NBPF26: variants seen among roughly 807,000 people sequenced by gnomAD.
NBPF26 encodes the protein NBPF member 26.
A neutral mutation model predicts 119.6 loss-of-function variants in NBPF26; 79 were observed. That is an observed-to-expected ratio of 0.66 (90% CI 0.55 to 0.80). The LOEUF is 0.80. Ranked by LOEUF, NBPF26 falls within the 30% of genes least tolerant of loss-of-function variation. NBPF26 has a pLI of 0.00. For missense variants in NBPF26, 800 were observed against 1,198.2 expected, an observed-to-expected ratio of 0.67 and a Z score of 4.91; for synonymous variants, 299 against 457.7, an observed-to-expected ratio of 0.65 and a Z score of 4.43.
chr1:120,769,644 TATTA>T (rs1651238777), intron 2 of NBPF26, among the ~76,000 whole-genome samples: 1 of 121,908 alleles, frequency 8.2e-6, no homozygotes, highest in South Asian at 2.4e-4. Context: ...GTTCAGGTTT[TATTA>T]ATTCAAGAGT....
rs1652174329 is a variant in NBPF26, at chr1:120,823,533, C to A, written c.2639+173C>A. ...AGAGTAAATCTTTAGGTTTCCATTT[C>A]TTCCTACCCTTATCATTTACTAACC... On this transcript the variant is annotated intron_variant, in intron 17 of 29. Transcript: ENST00000620612. 1.7e-5 allele frequency among the ~76,000 whole-genome samples: 2 copies of A among 114,304 alleles called. 1 individual carries two copies. The allele number at this position is 114,304 out of a possible 152,430, so 75.0% of individuals were successfully genotyped here.
rs1307076342 is a variant in NBPF26 at position 120,794,210 on chromosome 1, C to G, written c.751+714C>G. Among the ~76,000 whole-genome samples, 3 of 115,748 alleles carry G rather than the reference C, an allele frequency of 2.6e-5. 1 individual carries two copies. Among genetic ancestry groups the G allele is most frequent in the Non-Finnish European group, 4.9e-5 (3 of 60,620 alleles). 75.9% of individuals were successfully genotyped at this position (115,748 alleles called of 152,430 possible). On this transcript the variant is annotated intron_variant, in intron 4 of 29. Coordinates refer to ENST00000620612, the Ensembl canonical transcript of NBPF26. ...CAAGTGTTGTAGAGTGCACACACAA[C>G]CCAAAGATAGAAATAAAAAGAGGAG...
At chr1:120,804,419 G>T (rs1216610447) in intron 4 of NBPF26, among the ~76,000 whole-genome samples, 1 of 82,694 alleles carries the variant, frequency 1.2e-5, no homozygotes, top group Non-Finnish European at 2.1e-5. Flanking sequence ...AATCAATGGT[G>T]TTAGGTCATC....
chr1:120,770,573 A>T (rs1243527340), intron 2 of NBPF26, among the ~76,000 whole-genome samples: 1 of 118,438 alleles, frequency 8.4e-6, no homozygotes, highest in Non-Finnish European at 1.6e-5. Flanking sequence ...AGCTAACATT[A>T]TTGCATATTA....
At chr1:120,819,286 G>T (rs1405997031) in intron 15 of NBPF26, among the ~76,000 whole-genome samples, 1 of 116,698 alleles carries the variant, frequency 8.6e-6, no homozygotes, top group Non-Finnish European at 1.7e-5. Context: ...TTTTATCAGA[G>T]ACTAGGATTG....
chr1:120,763,580 G>T, intron 1 of NBPF26, 48 bp from the exon 2 acceptor site: 2 of 807,556 alleles, frequency 2.5e-6, no homozygotes, highest in South Asian at 1.5e-5. Flanking sequence ...GTGTCTGAGG[G>T]TTATGATTAG....
In NBPF26 at chr1:120,840,288, A is replaced by T. The variant is rs1449382525; in HGVS notation, c.4104-62A>T. On this transcript the variant is annotated intron_variant, in intron 29 of 29. Transcript: ENST00000620612. ...CTTCCTTATGTTACTTCTGAAATCTAGTGGGGCTCTGTGGTGTCCGATTTT... is the reference window on the plus strand; with the variant it reads ...CTTCCTTATGTTACTTCTGAAATCTTGTGGGGCTCTGTGGTGTCCGATTTT... 3.3e-5 allele frequency: 48 copies of T among 1,444,252 alleles called. 9 individuals carry two copies. The highest frequency in any genetic ancestry group is 4.1e-5 in the Non-Finnish European group (44 of 1,082,014). The allele number at this position is 1,444,252 out of a possible 1,614,324, so 89.5% of individuals were successfully genotyped here.
At position 120,785,065 on chromosome 1, in the gene NBPF26, G is replaced by T. The variant is rs1557984804; in HGVS notation, c.247G>T (p.Ala83Ser). Residue 83 changes from alanine to serine, a missense_variant, in exon 3 of 30, where the codon GCC becomes TCC. Coordinates refer to ENST00000620612, the Ensembl canonical transcript of NBPF26. ...GAATGGTGGGACTTGTGTGGCCCAGGCCATGCTGGGGAAAGCCACGTGCCG... is the reference window on the plus strand; with the variant it reads ...GAATGGTGGGACTTGTGTGGCCCAGTCCATGCTGGGGAAAGCCACGTGCCG... 5 of 1,446,010 alleles carry T rather than the reference G, an allele frequency of 3.5e-6. No homozygotes were observed. In the East Asian group the frequency reaches 1.2e-4, roughly 34 times the overall value. The allele number at this position is 1,446,010 out of a possible 1,614,324, so 89.6% of individuals were successfully genotyped here.
At chr1:120,810,225 C>T in intron 8 of NBPF26, 122 bp from the exon 9 acceptor site, 3 of 1,197,400 alleles carry the variant, frequency 2.5e-6, no homozygotes. Context: ...TTTAAGGGAA[C>T]CTCCGTTTTG....
chr1:120,813,318 C>G (rs1244513088), intron 10 of NBPF26, among the ~76,000 whole-genome samples: 1 of 127,734 alleles, frequency 7.8e-6, no homozygotes, highest in Non-Finnish European at 1.6e-5. Context: ...TTAACACAAA[C>G]TTTATTAACA....
intron 5 of NBPF26, among the ~76,000 whole-genome samples, chr1:120,806,343 T>C (rs1651682837): frequency 1.8e-5 from 2 of 111,672 alleles, no homozygotes; most frequent in African/African-American, 9.2e-5. Flanking sequence ...TCCTATAATC[T>C]CAGCACTTTG....
At position 120,791,321 on chromosome 1, in the gene NBPF26, C is replaced by T. The variant is rs1298233196; in HGVS notation, c.416-1840C>T. Reference sequence around the variant, plus strand: ...GATATATACCCAAAGAATTATAAATCGTGCTGCTATAAAGACACATGCACA... The same window carrying T: ...GATATATACCCAAAGAATTATAAATTGTGCTGCTATAAAGACACATGCACA... On this transcript the variant is annotated intron_variant, in intron 3 of 29. Transcript: ENST00000620612. 4.5e-5 allele frequency among the ~76,000 whole-genome samples: 4 copies of T among 88,612 alleles called. 1 individual carries two copies. The highest frequency in any genetic ancestry group is 2.7e-4 in the East Asian group (1 of 3,742). The allele number at this position is 88,612 out of a possible 152,430, so 58.1% of individuals were successfully genotyped here.
intron 10 of NBPF26, among the ~76,000 whole-genome samples, chr1:120,812,944 A>ATAG (rs1651907295): frequency 8.5e-6 from 1 of 117,972 alleles, no homozygotes; most frequent in South Asian, 2.4e-4. Context: ...AATAATAATA[A>ATAG]TAATAATAAT....
At chr1:120,813,499 G>A (rs1651927463) in intron 10 of NBPF26, among the ~76,000 whole-genome samples, 1 of 127,160 alleles carries the variant, frequency 7.9e-6, no homozygotes, top group Non-Finnish European at 1.6e-5. Context: ...CAGTCCCATA[G>A]TCCTAGGGGC....
In NBPF26 at chr1:120,807,920, T is replaced by C. The variant is rs1177492209; in HGVS notation, c.1064+211T>C. Among the ~76,000 whole-genome samples, 3 of 121,110 alleles carry C rather than the reference T, an allele frequency of 2.5e-5. 1 individual carries two copies. Among genetic ancestry groups the C allele is most frequent in the East Asian group, 2.0e-4 (1 of 5,024 alleles). The allele number at this position is 121,110 out of a possible 152,430, so 79.5% of individuals were successfully genotyped here. The stretch of plus-strand genomic sequence containing the variant: ...TTGTTTCTCAGAGCCTTGTTTTCTC[T>C]TTTTCAAACAAGTAATTGTTGATGT... On this transcript the variant is annotated intron_variant, in intron 6 of 29. Transcript: ENST00000620612.
In NBPF26 at chr1:120,790,559, T is replaced by A. The variant is rs1319135541; in HGVS notation, c.416-2602T>A. On this transcript the variant is annotated intron_variant, in intron 3 of 29. Coordinates refer to ENST00000620612, the Ensembl canonical transcript of NBPF26. ...CCCTTTCTTTCTTTCTTTCTTTCTT[T>A]CTTTCTTTCTTTCTTTCTTTCTTTC... 3.0e-4 allele frequency among the ~76,000 whole-genome samples: 31 copies of A among 102,002 alleles called. 5 individuals carry two copies. The highest frequency in any genetic ancestry group is 4.7e-4 in the Non-Finnish European group (26 of 55,356). 66.9% of individuals were successfully genotyped at this position (102,002 alleles called of 152,430 possible).
chr1:120,811,009 G>A lies in NBPF26; in HGVS notation c.1564+451G>A, dbSNP rs1187003705. Among the ~76,000 whole-genome samples, 2 of 104,784 alleles carry A rather than the reference G, an allele frequency of 1.9e-5. 1 individual carries two copies. Among genetic ancestry groups the A allele is most frequent in the Admixed American group, 1.8e-4 (2 of 11,034 alleles). 68.7% of individuals were successfully genotyped at this position (104,784 alleles called of 152,430 possible). A position where few individuals can be genotyped will look rare whatever the true frequency, so the allele number is the denominator to read the frequency against. On this transcript the variant is annotated intron_variant, in intron 9 of 29. Transcript: ENST00000620612. The stretch of plus-strand genomic sequence containing the variant: ...TAATCCGAGCACTTTGGGAGGCCGA[G>A]GCGGGTGGATCATGAGGTCAGGAGA...
At chr1:120,806,813 T>A (rs2101493149) in intron 5 of NBPF26, among the ~76,000 whole-genome samples, 1 of 118,880 alleles carries the variant, frequency 8.4e-6, no homozygotes, top group East Asian at 2.1e-4. Context: ...TGTCTGTCCC[T>A]CAGTTTCCTC....
At position 120,781,730 on chromosome 1, in the gene NBPF26, A is replaced by G. The variant is rs1651363611; in HGVS notation, c.156-3244A>G. On this transcript the variant is annotated intron_variant, in intron 2 of 29. Coordinates refer to ENST00000620612, the Ensembl canonical transcript of NBPF26. Reference sequence around the variant, plus strand: ...AGGCGCCTGCCACCACGCCTGGCTAATTTTTTATATTTTTAGTAGAGACAG... The same window carrying G: ...AGGCGCCTGCCACCACGCCTGGCTAGTTTTTTATATTTTTAGTAGAGACAG... Among the ~76,000 whole-genome samples, 2 of 107,056 alleles carry G rather than the reference A, an allele frequency of 1.9e-5. 1 individual carries two copies. Among genetic ancestry groups the G allele is most frequent in the South Asian group, 5.5e-4 (2 of 3,640 alleles). The allele number at this position is 107,056 out of a possible 152,430, so 70.2% of individuals were successfully genotyped here. A position where few individuals can be genotyped will look rare whatever the true frequency, so the allele number is the denominator to read the frequency against.
Sources: gnomAD v4.1 joint callset for allele counts (sites outside exome capture counted in the v4.1 genomes callset) on GRCh38, gnomAD v4.1.1 for gene constraint, MANE v1.5 for transcripts, NCBI Gene and HGNC (gene_info 2026-07-23, HGNC 2026-07-21) for gene names.